Variants in NOL10 observed in about 807,000 individuals in gnomAD.
NOL10 encodes the protein nucleolar protein 10.
In NOL10, 58 loss-of-function variants were observed where a neutral mutation model predicts 103.5. The observed-to-expected ratio is 0.56, with a 90% CI of 0.45 to 0.70. The LOEUF (loss-of-function observed/expected upper bound fraction) is 0.70. Among genes scored for constraint, NOL10 ranks in the 30% least tolerant of loss-of-function variants. The pLI is 0.00. For synonymous variants in NOL10, 287 were observed against 282.5 expected (o/e 1.02, Z -0.16); for missense variants, 763 against 807.3 (o/e 0.95, Z 0.67).
Position 10,671,404 on chromosome 2 carries a change from CTTTTCTT to C in NOL10, c.464+143_464+149del. 5.6e-5 allele frequency: 37 copies of C among 656,042 alleles called. No homozygotes were observed. In the African/African-American group the frequency reaches 6.9e-4, roughly 12 times the overall value. The allele number at this position is 656,042 out of a possible 1,614,324, so 40.6% of individuals were successfully genotyped here. ...GAATTTTTTGCCTATCCTGTGTTTT[CTTTTCTT>C]TTTTTTTTTTTTTTTACAAGAGCCA... On this transcript the variant is annotated intron_variant, in intron 6 of 20. Coordinates refer to ENST00000381685, the MANE Select transcript of NOL10 (RefSeq NM_024894.4).
At chr2:10,685,584 C>T (rs191649778) in intron 1 of NOL10, among the ~76,000 whole-genome samples, 1 of 145,778 alleles carries the variant, frequency 6.9e-6, no homozygotes, top group East Asian at 2.0e-4. Flanking sequence ...AAAAATACAA[C>T]AAAAGCTGAT....
At chr2:10,634,606 G>C (rs906968351) in intron 13 of NOL10, 2 of 456,534 alleles carry the variant, frequency 4.4e-6, no homozygotes, top group African/African-American at 4.0e-5. Flanking sequence ...GTTATATAAA[G>C]CCTAGTTATA....
At chr2:10,633,729 G>A (rs1176079609) in intron 13 of NOL10, among the ~76,000 whole-genome samples, 1 of 151,954 alleles carries the variant, frequency 6.6e-6, no homozygotes, top group Non-Finnish European at 1.5e-5. Flanking sequence ...AAAATAATGA[G>A]CCACTGGAAG....
intron 19 of NOL10, among the ~76,000 whole-genome samples, chr2:10,580,369 C>G (rs1244690492): frequency 4.6e-5 from 7 of 151,652 alleles, no homozygotes; most frequent in African/African-American, 9.7e-5. Context: ...TCCCCTCCCC[C>G]GCTCCCTGCC....
rs1674149586 is a variant in NOL10 at position 10,570,981 on chromosome 2, G to A, written c.*1090C>T. 1 of 151,970 alleles carries A rather than the reference G, an allele frequency of 6.6e-6. No individual in the cohort carries two copies. Among genetic ancestry groups the A allele is most frequent in the Non-Finnish European group, 1.5e-5 (1 of 67,986 alleles). 9.4% of individuals were successfully genotyped at this position (151,970 alleles called of 1,614,324 possible). On this transcript the variant is annotated 3_prime_UTR_variant, in exon 21 of 21. Transcript: ENST00000381685. ...CTTTTAGACTTTGGTTTTTTTGTGT[G>A]TTTTGGAATATCTGTATTATATTTA... is the stretch of plus-strand genomic sequence containing the variant.
chr2:10,609,225 A>G (rs1223817626), intron 13 of NOL10, among the ~76,000 whole-genome samples: 2 of 137,032 alleles, frequency 1.5e-5, no homozygotes, highest in African/African-American at 5.9e-5. Flanking sequence ...CTCAGACTGC[A>G]CTGAGTCGAA....
chr2:10,625,228 C>T (rs1044000195), intron 13 of NOL10, among the ~76,000 whole-genome samples: 4 of 152,068 alleles, frequency 2.6e-5, no homozygotes, highest in African/African-American at 7.2e-5. Context: ...TCAAAACCCA[C>T]AGAATGTACA....
At chr2:10,591,775 G>C (rs1401488180) in intron 17 of NOL10, among the ~76,000 whole-genome samples, 1 of 152,058 alleles carries the variant, frequency 6.6e-6, no homozygotes, top group East Asian at 1.9e-4. Flanking sequence ...AGGCTGAGGT[G>C]GGAGGACTGC....
intron 19 of NOL10, among the ~76,000 whole-genome samples, chr2:10,582,172 C>G (rs1674796481): frequency 6.6e-6 from 1 of 152,198 alleles, no homozygotes; most frequent in Non-Finnish European, 1.5e-5. Context: ...CTCTTATCCA[C>G]TATCAGAGGA....
intron 19 of NOL10, among the ~76,000 whole-genome samples, chr2:10,582,635 T>C (rs182664589): frequency 8.7e-4 from 132 of 152,272 alleles, no homozygotes; most frequent in African/African-American, 2.9e-3. Context: ...ATGTCCCCTA[T>C]GTTCACGCAT....
rs539113912 is a variant in NOL10 at position 10,606,561 on chromosome 2, T to C, written c.1153+624A>G. Among the ~76,000 whole-genome samples the C allele has an allele frequency of 1.2e-3, 177 of 147,828 alleles. 1 individual carries two copies. Among genetic ancestry groups the C allele is most frequent in the African/African-American group, 4.3e-3 (171 of 39,482 alleles). On this transcript the variant is annotated intron_variant, in intron 14 of 20. Transcript: ENST00000381685. ...AAGCGGAGGTTGCAATCAGACAAGATTGGGCCACTGCACTGCAGCCTGAGT... is the reference window on the plus strand; with the variant it reads ...AAGCGGAGGTTGCAATCAGACAAGACTGGGCCACTGCACTGCAGCCTGAGT...
intron 13 of NOL10, among the ~76,000 whole-genome samples, chr2:10,626,649 A>G (rs988717920): frequency 2.0e-5 from 3 of 152,180 alleles, no homozygotes; most frequent in African/African-American, 7.2e-5. Flanking sequence ...CTCATCCAAA[A>G]TAAGAATGGC....
chr2:10,619,719 CT>C (rs1677023106), intron 13 of NOL10, among the ~76,000 whole-genome samples: 1 of 152,156 alleles, frequency 6.6e-6, no homozygotes, highest in Non-Finnish European at 1.5e-5. Flanking sequence ...CCCCAATCTT[CT>C]TCAAAGTCCA....
rs756836529 is a variant in NOL10 at position 10,657,423 on chromosome 2, G to T, written c.906+319C>A. 2.6e-5 allele frequency among the ~76,000 whole-genome samples: 4 copies of T among 152,104 alleles called. No homozygotes were observed. In the East Asian group the frequency reaches 7.7e-4, roughly 29 times the overall value. On this transcript the variant is annotated intron_variant, in intron 11 of 20. Transcript: ENST00000381685. ...GAAGACTTTTCCTACACCTGTGAGG[G>T]AATCTCAATATCTAGGGGGTTTCTC...
intron 18 of NOL10, 99 bp from the exon 19 acceptor site, chr2:10,589,389 C>T: frequency 6.7e-7 from 1 of 1,485,776 alleles, no homozygotes; most frequent in Non-Finnish European, 9.1e-7. Flanking sequence ...GAGTGCCTAA[C>T]AGCTGCTCTA....
At chr2:10,614,127 T>C (rs1249631470) in intron 13 of NOL10, among the ~76,000 whole-genome samples, 2 of 152,038 alleles carry the variant, frequency 1.3e-5, no homozygotes, top group Non-Finnish European at 2.9e-5. Context: ...ACCCAGCTAA[T>C]TTTTGTATTT....
intron 13 of NOL10, among the ~76,000 whole-genome samples, chr2:10,609,480 G>A (rs965186679): frequency 1.3e-5 from 2 of 150,084 alleles, no homozygotes; most frequent in Admixed American, 1.3e-4. Context: ...GATGCCTGTA[G>A]TCCCAGTTAC....
chr2:10,620,232 C>T (rs1285541692), intron 13 of NOL10, among the ~76,000 whole-genome samples: 1 of 152,070 alleles, frequency 6.6e-6, no homozygotes, highest in East Asian at 1.9e-4. Flanking sequence ...AACTTTTCTG[C>T]ATATTCTTAT....
chr2:10,669,969 T>C (rs1680822655), intron 6 of NOL10, among the ~76,000 whole-genome samples: 2 of 151,838 alleles, frequency 1.3e-5, no homozygotes, highest in South Asian at 4.2e-4. Context: ...TCCCAACATT[T>C]TGTGAGGCCA....
Sources: gnomAD v4.1 joint callset for allele counts (sites outside exome capture counted in the v4.1 genomes callset) on GRCh38, gnomAD v4.1.1 for gene constraint, MANE v1.5 for transcripts, NCBI Gene and HGNC (gene_info 2026-07-23, HGNC 2026-07-21) for gene names.